The following MIOS variants were observed in gnomAD, a reference collection of about 807,000 sequenced individuals.
MIOS encodes the protein GATOR2 complex protein MIOS.
Under a neutral mutation model 96.9 loss-of-function variants are expected in MIOS, and 52 were observed. The ratio of observed to expected loss-of-function variants is 0.54; its 90% CI spans 0.43 to 0.68. The LOEUF (loss-of-function observed/expected upper bound fraction) is 0.68, where lower values mean the gene tolerates loss of function less well. Among genes scored for constraint, MIOS ranks in the 30% least tolerant of loss-of-function variants. MIOS has a pLI of 0.00. For synonymous variants in MIOS, 397 were observed against 359.5 expected (o/e 1.10, Z -1.18); for missense variants, 1,005 against 1,052.8 (o/e 0.95, Z 0.63).
At chr7:7,594,657 G>A (rs1784151775) in intron 9 of MIOS, among the ~76,000 whole-genome samples, 1 of 152,208 alleles carries the variant, frequency 6.6e-6, no homozygotes, top group Admixed American at 6.5e-5. Context: ...TAATTGCTGG[G>A]ACAAAGGGTA....
rs1452209212 is a variant in MIOS at position 7,573,702 on chromosome 7, G to A, written c.1227G>A (p.Val409=). ...LSRYGLDTEQ[V]WRNHILAGNE... ...GGTATGGACTTGATACAGAGCAGGT[G>A]TGGAGGAACCACATTTTAGCTGGAA... The change falls in exon 4 of 13, where the codon GTG becomes GTA. Residue 409 remains valine (V), a synonymous_variant. Transcript: ENST00000340080. The surrounding 1 kb of genome is among the most constrained non-coding windows in gnomAD (Gnocchi z 5.0). 1 of 1,613,146 alleles carries A rather than the reference G, an allele frequency of 6.2e-7. No homozygotes were observed. The highest frequency in any genetic ancestry group is 1.3e-5 in the African/African-American group (1 of 74,894).
At position 7,572,505 on chromosome 7, in the gene MIOS, G is replaced by A; in HGVS notation, c.30G>A (p.Trp10Ter). MSGTKPDIL[W>*]APHHVDRFVV... ...GCGGTACCAAACCTGATATTTTATG[G>A]GCACCACACCATGTTGATAGATTTG... The change falls in exon 4 of 13, where the codon TGG becomes TGA. Residue 10 changes from tryptophan (W) to a stop codon, truncating the protein, a stop_gained. Coordinates refer to ENST00000340080, the MANE Select transcript of MIOS (RefSeq NM_019005.4). LOFTEE classifies it high-confidence loss of function. This position sits in a 1 kb window ranked among gnomAD's most constrained non-coding sequence, Gnocchi z 4.8. The A allele has an allele frequency of 6.2e-7, 1 of 1,613,360 alleles. No individual in the cohort carries two copies. The highest frequency in any genetic ancestry group is 8.5e-7 in the Non-Finnish European group (1 of 1,179,558).
At position 7,595,147 on chromosome 7, in the gene MIOS, T is replaced by A. The variant is rs201802676; in HGVS notation, c.2196+15T>A. 6.3e-6 allele frequency: 10 copies of A among 1,596,346 alleles called. No homozygotes were observed. In the South Asian group the frequency reaches 1.1e-4, roughly 18 times the overall value. Reference sequence around the variant, plus strand: ...CTTTAGCACAAGTAAGTACATTGTTTTGGAGAAAATCAAATTGTAACATGT... The same window carrying A: ...CTTTAGCACAAGTAAGTACATTGTTATGGAGAAAATCAAATTGTAACATGT... On this transcript the variant is annotated intron_variant, in intron 10 of 12. Coordinates refer to ENST00000340080, the MANE Select transcript of MIOS (RefSeq NM_019005.4).
chr7:7,608,695 G>A lies in MIOS; in HGVS notation c.*1603G>A, dbSNP rs980607193. 1 of 151,632 alleles carries A rather than the reference G, an allele frequency of 6.6e-6. No individual in the cohort carries two copies. The highest frequency in any genetic ancestry group is 2.4e-5 in the African/African-American group (1 of 41,294). 9.4% of individuals were successfully genotyped at this position (151,632 alleles called of 1,614,324 possible). A position where few individuals can be genotyped will look rare whatever the true frequency, so the allele number is the denominator to read the frequency against. ...TTGAAGTGTTCCTTTCAAACTTACT[G>A]TCTTAAATATGAAAGTCAGCTTTAA... is the stretch of plus-strand genomic sequence containing the variant. On this transcript the variant is annotated 3_prime_UTR_variant, in exon 13 of 13. Coordinates refer to ENST00000340080, the MANE Select transcript of MIOS (RefSeq NM_019005.4).
chr7:7,582,606 G>A, intron 5 of MIOS: 1 of 974,744 alleles, frequency 1.0e-6, no homozygotes, highest in Non-Finnish European at 1.2e-6. Context: ...TTTGAAGTCT[G>A]TAATCTTGTT....
Position 7,568,102 on chromosome 7 carries a change from TGAGAC to T in MIOS, c.-61_-57del, listed in dbSNP as rs1783215554. 1 of 152,234 alleles carries T rather than the reference TGAGAC, an allele frequency of 6.6e-6. No homozygotes were observed. Among genetic ancestry groups the T allele is most frequent in the African/African-American group, 2.4e-5 (1 of 41,460 alleles). 9.4% of individuals were successfully genotyped at this position (152,234 alleles called of 1,614,324 possible). On this transcript the variant is annotated 5_prime_UTR_variant, in exon 3 of 13. An upstream open reading frame in the 5' UTR loses its in-frame stop. Coordinates refer to ENST00000340080, the MANE Select transcript of MIOS (RefSeq NM_019005.4). The stretch of plus-strand genomic sequence containing the variant: ...TTGCTGAGAAATCACTGATGGGAAG[TGAGAC>T]TTGTTAAACTTGAAAGGTGAGGATA...
chr7:7,602,031 G>A (rs1468222880), intron 11 of MIOS, among the ~76,000 whole-genome samples: 1 of 152,152 alleles, frequency 6.6e-6, no homozygotes. Context: ...AACCCTTCAT[G>A]CTAAAAACTC....
At position 7,567,673 on chromosome 7, in the gene MIOS, C is replaced by G. The variant is rs1783191409; in HGVS notation, c.-154C>G. On this transcript the variant is annotated 5_prime_UTR_variant, in exon 2 of 13. Coordinates refer to ENST00000340080, the MANE Select transcript of MIOS (RefSeq NM_019005.4). ...ATGGTGGAAATTTCTTGAAACCGCT[C>G]TCGTAATTTGCCACGGTAAGAAAAG... The G allele has an allele frequency of 6.6e-6, 1 of 152,168 alleles. No individual in the cohort carries two copies. The highest frequency in any genetic ancestry group is 1.5e-5 in the Non-Finnish European group (1 of 68,040). 9.4% of individuals were successfully genotyped at this position (152,168 alleles called of 1,614,324 possible).
At chr7:7,569,780 G>A (rs1371799813) in intron 3 of MIOS, among the ~76,000 whole-genome samples, 6 of 152,168 alleles carry the variant, frequency 3.9e-5, no homozygotes, top group East Asian at 3.8e-4. Flanking sequence ...GGTGGTTGAC[G>A]TCAAGGTTGA....
At chr7:7,576,029 C>T (rs965709886) in intron 5 of MIOS, among the ~76,000 whole-genome samples, 4 of 152,150 alleles carry the variant, frequency 2.6e-5, no homozygotes, top group African/African-American at 9.7e-5. Flanking sequence ...TAATAATCAA[C>T]ACATGGTAAG....
At chr7:7,580,220 A>G (rs576099572) in intron 5 of MIOS, among the ~76,000 whole-genome samples, 22 of 152,304 alleles carry the variant, frequency 1.4e-4, no homozygotes, top group African/African-American at 4.8e-4. Flanking sequence ...TTTTTTAATA[A>G]GTGTTTTGTT....
At chr7:7,604,882 C>T (rs1784481904) in intron 11 of MIOS, among the ~76,000 whole-genome samples, 2 of 151,874 alleles carry the variant, frequency 1.3e-5, no homozygotes, top group East Asian at 1.9e-4. Context: ...AAGTAGTGTA[C>T]ATATCAGATC....
chr7:7,597,480 ATATATATAT>A lies in MIOS; in HGVS notation c.2401+1020_2401+1028del, dbSNP rs1784240450. Among the ~76,000 whole-genome samples, 16 of 32,940 alleles carry A rather than the reference ATATATATAT, an allele frequency of 4.9e-4. 2 individuals are homozygous for A. The highest frequency in any genetic ancestry group is 4.4e-3 in the South Asian group (5 of 1,136). The allele number at this position is 32,940 out of a possible 152,430, so 21.6% of individuals were successfully genotyped here. On this transcript the variant is annotated intron_variant, in intron 11 of 12. Transcript: ENST00000340080. ...TTACCTAGTAAATTTATATATATATATATATATATATATATATATATATATATATATATA... is the reference window on the plus strand; with the variant it reads ...TTACCTAGTAAATTTATATATATATAATATATATATATATATATATATATA...
rs1056779062 is a variant in MIOS, at chr7:7,574,453, G to A, written c.1393+257G>A. Among the ~76,000 whole-genome samples, 14 of 151,982 alleles carry A rather than the reference G, an allele frequency of 9.2e-5. No individual in the cohort carries two copies. The East Asian group carries it at 2.3e-3, about 25-fold the overall frequency. On this transcript the variant is annotated intron_variant, in intron 5 of 12. Transcript: ENST00000340080. Reference sequence around the variant, plus strand: ...AAATCTATCCACACGTTTATTCAATGTTATTTTTTTGAAAACCCACTTTGA... The same window carrying A: ...AAATCTATCCACACGTTTATTCAATATTATTTTTTTGAAAACCCACTTTGA...
intron 2 of MIOS, 85 bp downstream of exon 2, chr7:7,567,773 T>G (rs1468091297): frequency 6.6e-6 from 1 of 152,224 alleles, no homozygotes; most frequent in Non-Finnish European, 1.5e-5. Context: ...TGGACTTCAC[T>G]GTCCAGTAGC....
chr7:7,585,841 TTAAGA>T (rs772866464), intron 7 of MIOS, 36 bp downstream of exon 7: 23 of 1,539,482 alleles, frequency 1.5e-5, no homozygotes, highest in Non-Finnish European at 1.8e-5. Flanking sequence ...TTCCTTTGAA[TTAAGA>T]TAGGAGTTTT....
In MIOS at chr7:7,607,183, C is replaced by A; in HGVS notation, c.*91C>A. The A allele has an allele frequency of 2.3e-6, 2 of 879,366 alleles. No individual in the cohort carries two copies. Among genetic ancestry groups the A allele is most frequent in the East Asian group, 2.6e-5 (1 of 38,354 alleles). The allele number at this position is 879,366 out of a possible 1,614,324, so 54.5% of individuals were successfully genotyped here. A position where few individuals can be genotyped will look rare whatever the true frequency, so the allele number is the denominator to read the frequency against. On this transcript the variant is annotated 3_prime_UTR_variant, in exon 13 of 13. Transcript: ENST00000340080. Reference sequence around the variant, plus strand: ...GAAACATACCTCAGAACAAGCCATTCATGACTTACCTGTAATGGGAAAATA... The same window carrying A: ...GAAACATACCTCAGAACAAGCCATTAATGACTTACCTGTAATGGGAAAATA...
chr7:7,583,077 A>G (rs1783780544), intron 5 of MIOS, 41 bp from the exon 6 acceptor site: 4 of 1,554,920 alleles, frequency 2.6e-6, no homozygotes, highest in Non-Finnish European at 8.7e-7. Context: ...TTCCAAATAT[A>G]TTTTGAAATA....
At chr7:7,596,769 G>A (rs1784214744) in intron 11 of MIOS, among the ~76,000 whole-genome samples, 1 of 152,076 alleles carries the variant, frequency 6.6e-6, no homozygotes, top group Admixed American at 6.5e-5. Context: ...AGAGGAGTTC[G>A]TTCAAATTTG....
Sources: allele counts gnomAD v4.1 joint callset (sites outside exome capture counted in the v4.1 genomes callset), GRCh38; gene constraint gnomAD v4.1.1; non-coding constraint Gnocchi (gnomAD v3.1); transcripts MANE v1.5; gene names NCBI Gene and HGNC (gene_info 2026-07-23, HGNC 2026-07-21).